Variants in PTPRD observed in about 807,000 individuals in gnomAD.
PTPRD encodes the protein receptor-type tyrosine-protein phosphatase delta.
PTPRD carries 34 observed loss-of-function variants against 214.5 expected under a neutral mutation model. That is an observed-to-expected ratio of 0.16 (90% CI 0.12 to 0.21). The LOEUF (loss-of-function observed/expected upper bound fraction) is 0.21. PTPRD is among the 10% of genes least tolerant of loss of function. PTPRD has a pLI of 1.00. For synonymous variants in PTPRD, 1,128 were observed against 845.7 expected, an observed-to-expected ratio of 1.33 and a Z score of -5.79; for missense variants, 2,545 against 2,398.7, an observed-to-expected ratio of 1.06 and a Z score of -1.27.
At chr9:10,064,981 G>A (rs2097848679) in intron 3 of PTPRD, among the ~76,000 whole-genome samples, 2 of 151,832 alleles carry the variant, frequency 1.3e-5, no homozygotes. Context: ...AGTCAATAGT[G>A]ATTTGAATTT....
At chr9:9,665,217 A>C (rs2096697401) in intron 7 of PTPRD, among the ~76,000 whole-genome samples, 1 of 151,672 alleles carries the variant, frequency 6.6e-6, no homozygotes, top group African/African-American at 2.4e-5. Flanking sequence ...ACTTTCTTGT[A>C]ACGAATAAAA....
chr9:9,284,595 A>T (rs1048429509), intron 9 of PTPRD, among the ~76,000 whole-genome samples: 7 of 151,734 alleles, frequency 4.6e-5, no homozygotes, highest in Admixed American at 3.3e-4. Context: ...GAAGTTTTTG[A>T]AGATTAATGT....
intron 2 of PTPRD, among the ~76,000 whole-genome samples, chr9:10,589,386 C>A (rs1185822696): frequency 6.6e-6 from 1 of 151,854 alleles, no homozygotes; most frequent in Non-Finnish European, 1.5e-5. Context: ...TGGGACCAGT[C>A]ACTCAGATTA....
At chr9:8,971,794 A>G (rs1443930023) in intron 11 of PTPRD, among the ~76,000 whole-genome samples, 1 of 151,590 alleles carries the variant, frequency 6.6e-6, no homozygotes, top group Non-Finnish European at 1.5e-5. Context: ...AATAAATCTG[A>G]AAAGTAACTA....
At chr9:8,766,166 C>T (rs1463689451) in intron 11 of PTPRD, among the ~76,000 whole-genome samples, 1 of 151,084 alleles carries the variant, frequency 6.6e-6, no homozygotes, top group Non-Finnish European at 1.5e-5. Flanking sequence ...TGGTTCAACC[C>T]CATTTCGTTT....
At position 10,555,915 on chromosome 9, in the gene PTPRD, G is replaced by C. The variant is rs146425188; in HGVS notation, c.-600+56483C>G. On this transcript the variant is annotated intron_variant, in intron 2 of 45. Transcript: ENST00000381196. ...GGTCATGGTGGGGCAGAAGAATAAA[G>C]AGCGTGAAGAGAATAGAGAAAATAC... 1.4e-3 allele frequency among the ~76,000 whole-genome samples: 211 copies of C among 152,254 alleles called. 1 individual carries two copies. Among genetic ancestry groups the C allele is most frequent in the Admixed American group, 4.3e-3 (66 of 15,292 alleles).
At chr9:9,916,527 A>C (rs78531437) in intron 5 of PTPRD, among the ~76,000 whole-genome samples, 49,712 of 151,586 alleles carry the variant, frequency 0.33, 8,695 homozygotes, top group African/African-American at 0.46. Context: ...CTCTCTCTAT[A>C]TATATATATA....
chr9:9,082,042 G>A (rs2099759966), intron 10 of PTPRD, among the ~76,000 whole-genome samples: 1 of 151,964 alleles, frequency 6.6e-6, no homozygotes, highest in Admixed American at 6.6e-5. Context: ...ACAAAGAGGA[G>A]CTGGTACCAA....
chr9:10,218,599 T>A lies in PTPRD; in HGVS notation c.-545+122364A>T, dbSNP rs1249520181. 2.6e-5 allele frequency among the ~76,000 whole-genome samples: 4 copies of A among 151,814 alleles called. No individual in the cohort carries two copies. In the East Asian group the frequency reaches 5.8e-4, roughly 22 times the overall value. ...GAGATACAGTGTATACGACCTTGGA[T>A]TGGAGTGAATTAGAAATTAGAATAA... On this transcript the variant is annotated intron_variant, in intron 3 of 45. Coordinates refer to ENST00000381196, the MANE Select transcript of PTPRD (RefSeq NM_002839.4).
chr9:9,060,074 T>G (rs2099704288), intron 10 of PTPRD, among the ~76,000 whole-genome samples: 1 of 152,236 alleles, frequency 6.6e-6, no homozygotes, highest in African/African-American at 2.4e-5. Context: ...AAAATTTATT[T>G]GCAAATGCTA....
chr9:8,894,028 C>T (rs185294509), intron 11 of PTPRD, among the ~76,000 whole-genome samples: 23 of 152,070 alleles, frequency 1.5e-4, no homozygotes, highest in East Asian at 1.9e-4. Context: ...CCCGAAGATA[C>T]GCACACAATG....
intron 11 of PTPRD, among the ~76,000 whole-genome samples, chr9:8,888,443 G>T (rs914589916): frequency 6.6e-6 from 1 of 151,978 alleles, no homozygotes; most frequent in Admixed American, 6.6e-5. Context: ...GCATTGCCTT[G>T]ACTAAAAAGG....
intron 11 of PTPRD, among the ~76,000 whole-genome samples, chr9:8,892,661 GTA>G (rs1334063777): frequency 7.2e-6 from 1 of 138,146 alleles, no homozygotes; most frequent in South Asian, 2.3e-4. Flanking sequence ...ATATATGAGT[GTA>G]TATATATGTG....
intron 9 of PTPRD, among the ~76,000 whole-genome samples, chr9:9,210,037 A>G (rs2099947505): frequency 6.6e-6 from 1 of 152,180 alleles, no homozygotes; most frequent in African/African-American, 2.4e-5. Flanking sequence ...CAAATCTTTT[A>G]TAATGAGCCT....
chr9:9,562,146 T>C (rs964658118), intron 8 of PTPRD, among the ~76,000 whole-genome samples: 3 of 152,182 alleles, frequency 2.0e-5, no homozygotes, highest in Non-Finnish European at 2.9e-5. Context: ...CTTTATTTTT[T>C]CTTATTTTTA....
chr9:8,670,919 C>A (rs2097271078), intron 12 of PTPRD, among the ~76,000 whole-genome samples: 1 of 152,116 alleles, frequency 6.6e-6, no homozygotes, highest in Admixed American at 6.6e-5. Context: ...CGGAGGAAGA[C>A]AGATTGAAGG....
At chr9:9,483,828 G>A (rs894376210) in intron 8 of PTPRD, among the ~76,000 whole-genome samples, 21 of 139,346 alleles carry the variant, frequency 1.5e-4, no homozygotes, top group African/African-American at 4.8e-4. Flanking sequence ...GTGAAAATTC[G>A]TTCTCTGTTT....
intron 8 of PTPRD, among the ~76,000 whole-genome samples, chr9:9,489,550 T>C (rs769571737): frequency 2.0e-5 from 3 of 152,220 alleles, no homozygotes; most frequent in Admixed American, 6.5e-5. Flanking sequence ...AGTGGTGATA[T>C]TGATTTAGAG....
At chr9:8,844,525 A>C (rs894578702) in intron 11 of PTPRD, among the ~76,000 whole-genome samples, 1 of 152,290 alleles carries the variant, frequency 6.6e-6, no homozygotes. Context: ...ATCACTCAAA[A>C]TGAGGCCAAG....
Sources: gnomAD v4.1 joint callset for allele counts (sites outside exome capture counted in the v4.1 genomes callset) on GRCh38, gnomAD v4.1.1 for gene constraint, MANE v1.5 for transcripts, NCBI Gene and HGNC (gene_info 2026-07-23, HGNC 2026-07-21) for gene names.